Variants in FCHSD2 observed in about 807,000 individuals in gnomAD.
FCHSD2 encodes FCH and double SH3 domains 2.
In FCHSD2, 38 loss-of-function variants were observed where a neutral mutation model predicts 108.1. The observed-to-expected ratio is 0.35, with a 90% CI of 0.27 to 0.46. The LOEUF (loss-of-function observed/expected upper bound fraction) is 0.46, where lower values mean the gene tolerates loss of function less well. Ranked by LOEUF, FCHSD2 falls within the 20% of genes least tolerant of loss-of-function variation. The pLI is 1.00. For missense variants in FCHSD2, 751 were observed against 897.8 expected (o/e 0.84, Z 2.09); for synonymous variants, 279 against 314.7 (o/e 0.89, Z 1.20).
chr11:73,052,474 T>C (rs1858923712), intron 3 of FCHSD2, among the ~76,000 whole-genome samples: 1 of 152,178 alleles, frequency 6.6e-6, no homozygotes, highest in Non-Finnish European at 1.5e-5. Context: ...TAATTGTGAA[T>C]TACTTAAAGG....
intron 3 of FCHSD2, among the ~76,000 whole-genome samples, chr11:73,077,169 C>G (rs1859578152): frequency 6.8e-6 from 1 of 147,596 alleles, no homozygotes; most frequent in Non-Finnish European, 1.5e-5. Flanking sequence ...TCTACTTTCA[C>G]ATATGTTTGA....
At chr11:72,965,037 C>G (rs1401496162) in intron 8 of FCHSD2, among the ~76,000 whole-genome samples, 1 of 152,150 alleles carries the variant, frequency 6.6e-6, no homozygotes, top group Non-Finnish European at 1.5e-5. Context: ...GATCCGCCCG[C>G]CTTGGCCTCC....
chr11:72,936,255 A>G (rs753506180), intron 8 of FCHSD2, among the ~76,000 whole-genome samples: 3 of 152,198 alleles, frequency 2.0e-5, no homozygotes, highest in Non-Finnish European at 4.4e-5. Context: ...AGCCTATAGT[A>G]AGGAATTTTG....
chr11:73,101,331 C>T (rs1385019087), intron 2 of FCHSD2, among the ~76,000 whole-genome samples: 3 of 152,188 alleles, frequency 2.0e-5, no homozygotes, highest in African/African-American at 4.8e-5. Flanking sequence ...GGTTAGGCTA[C>T]ATCACTAAAA....
intron 8 of FCHSD2, among the ~76,000 whole-genome samples, chr11:72,963,933 C>T (rs1178424982): frequency 6.6e-6 from 1 of 152,114 alleles, no homozygotes; most frequent in East Asian, 1.9e-4. Flanking sequence ...ATAGATTTCA[C>T]AGTTGAATAA....
chr11:72,994,488 G>A (rs1857484223), intron 5 of FCHSD2, among the ~76,000 whole-genome samples: 1 of 152,118 alleles, frequency 6.6e-6, no homozygotes, highest in African/African-American at 2.4e-5. Context: ...GAGTCACACG[G>A]CAAGGATGTG....
chr11:73,050,558 T>C (rs976639082), intron 3 of FCHSD2, among the ~76,000 whole-genome samples: 1 of 151,812 alleles, frequency 6.6e-6, no homozygotes, highest in Non-Finnish European at 1.5e-5. Context: ...AATCAGAAAA[T>C]AGACATAGGA....
chr11:73,040,126 T>C (rs1858598986), intron 3 of FCHSD2, among the ~76,000 whole-genome samples: 1 of 152,228 alleles, frequency 6.6e-6, no homozygotes. Context: ...CAGATAATGT[T>C]ACACAAAGGC....
intron 2 of FCHSD2, among the ~76,000 whole-genome samples, chr11:73,108,860 C>A (rs949518155): frequency 6.6e-6 from 1 of 152,156 alleles, no homozygotes; most frequent in South Asian, 2.1e-4. Context: ...CGTGAGCCAC[C>A]GCGCCCAGCC....
intron 3 of FCHSD2, among the ~76,000 whole-genome samples, chr11:73,039,517 CA>C (rs398115498): frequency 2.8e-4 from 39 of 139,548 alleles, no homozygotes; most frequent in East Asian, 4.0e-4. Flanking sequence ...ACTCCGTCTC[CA>C]AAAAAAAAAA....
chr11:72,905,590 C>A (rs937439782), intron 9 of FCHSD2, among the ~76,000 whole-genome samples: 1 of 151,896 alleles, frequency 6.6e-6, no homozygotes, highest in Non-Finnish European at 1.5e-5. Flanking sequence ...CTTCCCCTAG[C>A]CCCCCACCCC....
chr11:72,926,380 G>C (rs1856076755), intron 8 of FCHSD2, among the ~76,000 whole-genome samples: 1 of 152,166 alleles, frequency 6.6e-6, no homozygotes, highest in African/African-American at 2.4e-5. Flanking sequence ...AGAGAGGATG[G>C]CATGACCAGT....
chr11:73,049,674 T>C (rs1565385069), intron 3 of FCHSD2, among the ~76,000 whole-genome samples: 1 of 139,472 alleles, frequency 7.2e-6, no homozygotes, highest in Non-Finnish European at 1.5e-5. Flanking sequence ...CCCTAAAACT[T>C]AGAGTATAAT....
chr11:72,995,346 T>C (rs1159634595), intron 5 of FCHSD2, among the ~76,000 whole-genome samples: 1 of 152,112 alleles, frequency 6.6e-6, no homozygotes, highest in Admixed American at 6.6e-5. Context: ...ATTCTAATAA[T>C]GCTGTGTTTG....
chr11:73,015,922 T>C, intron 3 of FCHSD2, 37 bp from the exon 4 acceptor site: 1 of 1,189,852 alleles, frequency 8.4e-7, no homozygotes, highest in Non-Finnish European at 1.2e-6. Context: ...AAATAAATAT[T>C]ATGCCATAAA....
At chr11:73,136,732 T>C (rs1861128017) in intron 2 of FCHSD2, among the ~76,000 whole-genome samples, 1 of 152,060 alleles carries the variant, frequency 6.6e-6, no homozygotes, top group Non-Finnish European at 1.5e-5. Context: ...TTAATTCATA[T>C]AAAAACCCAA....
Position 73,083,805 on chromosome 11 carries a change from A to G in FCHSD2, c.120-65T>C, listed in dbSNP as rs568999995. 2.3e-5 allele frequency: 23 copies of G among 1,000,448 alleles called. No homozygotes were observed. In the African/African-American group the frequency reaches 3.4e-4, roughly 15 times the overall value. The allele number at this position is 1,000,448 out of a possible 1,614,324, so 62.0% of individuals were successfully genotyped here. On this transcript the variant is annotated intron_variant, in intron 2 of 19. Coordinates refer to ENST00000409418, the MANE Select transcript of FCHSD2 (RefSeq NM_014824.3). ...TTAATAATTTAATGTAAATCTATCA[A>G]CACACCTTCAAATACTGCCTGGTTA...
At chr11:73,058,507 G>A (rs1859084456) in intron 3 of FCHSD2, among the ~76,000 whole-genome samples, 1 of 151,804 alleles carries the variant, frequency 6.6e-6, no homozygotes. Context: ...TTAGGGAAAG[G>A]CTTCAAGATC....
intron 13 of FCHSD2, among the ~76,000 whole-genome samples, chr11:72,865,545 C>T (rs1159271799): frequency 2.0e-5 from 3 of 152,196 alleles, no homozygotes; most frequent in Non-Finnish European, 4.4e-5. Context: ...TCAATGCTTA[C>T]TACTACTGTA....
Sources: gnomAD v4.1 joint callset for allele counts (sites outside exome capture counted in the v4.1 genomes callset) on GRCh38, gnomAD v4.1.1 for gene constraint, MANE v1.5 for transcripts, NCBI Gene and HGNC (gene_info 2026-07-23, HGNC 2026-07-21) for gene names.